The following STX18 variants were observed in gnomAD, a reference collection of about 807,000 sequenced individuals.
The protein encoded by STX18 is syntaxin 18, also known as syntaxin-18.
STX18 carries 40 observed loss-of-function variants against 50.1 expected under a neutral mutation model. The observed-to-expected ratio is 0.80, with a 90% CI of 0.62 to 1.04. The LOEUF is 1.04. Ranked by LOEUF, STX18 falls within the 50% of genes least tolerant of loss-of-function variation. STX18 has a pLI of 0.00. For missense variants in STX18, 410 were observed against 415.8 expected (o/e 0.99, Z 0.12); for synonymous variants, 158 against 151.8 (o/e 1.04, Z -0.30).
At chr4:4,444,823 T>TAACA (rs946912805) in intron 5 of STX18, among the ~76,000 whole-genome samples, 3 of 150,700 alleles carry the variant, frequency 2.0e-5, no homozygotes, top group Non-Finnish European at 2.9e-5. Flanking sequence ...GAAAACAAAC[T>TAACA]AACAAACAAA....
chr4:4,465,637 T>C (rs530555164), intron 2 of STX18, among the ~76,000 whole-genome samples: 232 of 152,168 alleles, frequency 1.5e-3, no homozygotes, highest in Non-Finnish European at 2.8e-3. Context: ...AGGGAGAGCA[T>C]CAGGAAGAAT....
In STX18 at chr4:4,419,936, A is replaced by T; in HGVS notation, c.*98T>A. ...TTTCCCTTCAAATGGCACTGTGATA[A>T]AATCTGGTCATACCATGCTCCAGCA... On this transcript the variant is annotated 3_prime_UTR_variant, in exon 11 of 11. Coordinates refer to ENST00000306200, the MANE Select transcript of STX18 (RefSeq NM_016930.4). 1.0e-6 allele frequency: 1 copy of T among 998,000 alleles called. No homozygotes were observed. The highest frequency in any genetic ancestry group is 2.6e-5 in the East Asian group (1 of 38,058). 61.8% of individuals were successfully genotyped at this position (998,000 alleles called of 1,614,324 possible). A position where few individuals can be genotyped will look rare whatever the true frequency, so the allele number is the denominator to read the frequency against.
chr4:4,513,030 AAT>A (rs796292877), intron 1 of STX18, among the ~76,000 whole-genome samples: 3 of 152,274 alleles, frequency 2.0e-5, no homozygotes, highest in African/African-American at 7.2e-5. Context: ...ATATAATAAT[AAT>A]ATACATATCA....
intron 5 of STX18, among the ~76,000 whole-genome samples, chr4:4,449,355 C>T (rs1726624388): frequency 6.6e-6 from 1 of 152,122 alleles, no homozygotes; most frequent in South Asian, 2.1e-4. Context: ...ACGGCACCCC[C>T]CCACCCCACT....
At chr4:4,527,663 G>C (rs889367834) in intron 1 of STX18, among the ~76,000 whole-genome samples, 20 of 151,704 alleles carry the variant, frequency 1.3e-4, no homozygotes, top group African/African-American at 4.8e-4. Context: ...GTCATATTTG[G>C]AGGGAAAGTA....
intron 1 of STX18, among the ~76,000 whole-genome samples, chr4:4,508,041 C>A (rs1729810557): frequency 6.6e-6 from 1 of 152,130 alleles, no homozygotes; most frequent in Non-Finnish European, 1.5e-5. Context: ...ATGTTTTTAA[C>A]TTCAACACTA....
chr4:4,479,748 TA>T (rs1256038042), intron 1 of STX18, among the ~76,000 whole-genome samples: 2 of 152,230 alleles, frequency 1.3e-5, no homozygotes, highest in African/African-American at 4.8e-5. Flanking sequence ...AAATTCATTA[TA>T]AAACAGCAGT....
chr4:4,491,862 A>C (rs1051434012), intron 1 of STX18, among the ~76,000 whole-genome samples: 7 of 152,060 alleles, frequency 4.6e-5, no homozygotes, highest in Admixed American at 3.9e-4. Context: ...TTGACAAAAG[A>C]CTTCTTTTTT....
chr4:4,421,137 G>A (rs940502802), intron 9 of STX18, among the ~76,000 whole-genome samples, 193 bp from the exon 10 acceptor site: 3 of 152,086 alleles, frequency 2.0e-5, no homozygotes, highest in East Asian at 1.9e-4. Context: ...TCCCTGAAGC[G>A]TATATCATGA....
chr4:4,485,343 G>C (rs955752349), intron 1 of STX18, among the ~76,000 whole-genome samples: 1 of 152,116 alleles, frequency 6.6e-6, no homozygotes, highest in African/African-American at 2.4e-5. Context: ...TCACCCATAG[G>C]GCAAGGTGAA....
At chr4:4,450,228 G>A (rs1245674415) in intron 5 of STX18, among the ~76,000 whole-genome samples, 1 of 152,152 alleles carries the variant, frequency 6.6e-6, no homozygotes, top group Non-Finnish European at 1.5e-5. Context: ...ATTGAAAACC[G>A]TGAATTCGTG....
chr4:4,500,748 T>C (rs1262967345), intron 1 of STX18, among the ~76,000 whole-genome samples: 1 of 152,162 alleles, frequency 6.6e-6, no homozygotes, highest in Non-Finnish European at 1.5e-5. Context: ...AAATTTACCA[T>C]AATTTGGCCA....
At chr4:4,497,249 A>G (rs1729221694) in intron 1 of STX18, among the ~76,000 whole-genome samples, 1 of 152,226 alleles carries the variant, frequency 6.6e-6, no homozygotes, top group Admixed American at 6.5e-5. Context: ...TCAGAGGCAC[A>G]GGCTGAATTC....
chr4:4,491,622 A>C lies in STX18; in HGVS notation c.169-19916T>G, dbSNP rs1002231895. On this transcript the variant is annotated intron_variant, in intron 1 of 10. Transcript: ENST00000306200. ...AAACGATTTATGCTGCCTTTTTTCA[A>C]AGCTGCTTAGAAAATGGCTATGTAC... Among the ~76,000 whole-genome samples the C allele has an allele frequency of 2.6e-5, 4 of 152,214 alleles. No homozygotes were observed. In the South Asian group the frequency reaches 8.3e-4, roughly 32 times the overall value.
At chr4:4,480,588 G>A (rs1017125277) in intron 1 of STX18, among the ~76,000 whole-genome samples, 6 of 152,176 alleles carry the variant, frequency 3.9e-5, no homozygotes, top group East Asian at 1.9e-4. Context: ...CTGCTGAGGC[G>A]TCTGCCTAGC....
At chr4:4,435,552 A>C (rs1366177019) in intron 6 of STX18, among the ~76,000 whole-genome samples, 1 of 152,214 alleles carries the variant, frequency 6.6e-6, no homozygotes, top group East Asian at 1.9e-4. Flanking sequence ...TGGTCCAAGT[A>C]GATCTACCTT....
At chr4:4,522,491 G>A (rs113891918) in intron 1 of STX18, among the ~76,000 whole-genome samples, 2 of 152,276 alleles carry the variant, frequency 1.3e-5, no homozygotes, top group Admixed American at 6.5e-5. Flanking sequence ...TCATATCCCT[G>A]ACCATAATGG....
intron 1 of STX18, among the ~76,000 whole-genome samples, chr4:4,500,377 G>C (rs919662427): frequency 6.6e-6 from 1 of 152,168 alleles, no homozygotes; most frequent in African/African-American, 2.4e-5. Flanking sequence ...AACATGTGCA[G>C]ATTTTTTTCT....
In STX18 at chr4:4,471,620, T is replaced by C. The variant is rs780927116; in HGVS notation, c.236+19A>G. On this transcript the variant is annotated intron_variant, in intron 2 of 10. Coordinates refer to ENST00000306200, the MANE Select transcript of STX18 (RefSeq NM_016930.4). ...AAGAACACAGTCACCAAAGTCCTGGTAAAAAAATATGTACTTACCTATAAG... is the reference window on the plus strand; with the variant it reads ...AAGAACACAGTCACCAAAGTCCTGGCAAAAAAATATGTACTTACCTATAAG... The C allele has an allele frequency of 6.6e-7, 1 of 1,513,030 alleles. No individual in the cohort carries two copies. Among genetic ancestry groups the C allele is most frequent in the Non-Finnish European group, 8.9e-7 (1 of 1,127,300 alleles). The allele number at this position is 1,513,030 out of a possible 1,614,324, so 93.7% of individuals were successfully genotyped here. A position where few individuals can be genotyped will look rare whatever the true frequency, so the allele number is the denominator to read the frequency against.
Sources: allele counts gnomAD v4.1 joint callset (sites outside exome capture counted in the v4.1 genomes callset), GRCh38; gene constraint gnomAD v4.1.1; transcripts MANE v1.5; gene names NCBI Gene and HGNC (gene_info 2026-07-23, HGNC 2026-07-21).